PRKN: variants seen among roughly 807,000 people sequenced by gnomAD.
PRKN encodes the protein parkin RBR E3 ubiquitin protein ligase.
In PRKN, 56 loss-of-function variants were observed where a neutral mutation model predicts 59.5. The observed-to-expected ratio is 0.94, with a 90% CI of 0.76 to 1.18. PRKN has a LOEUF of 1.18. Ranked by LOEUF, PRKN falls within the 50% of genes most tolerant of loss-of-function variation. The probability of loss-of-function intolerance (pLI) is 0.00; values close to 1 mark genes in which losing one functional copy is unlikely to be tolerated. For synonymous variants in PRKN, 250 were observed against 222.1 expected (o/e 1.13, Z -1.12); for missense variants, 657 against 596.4 (o/e 1.10, Z -1.06).
chr6:162,676,843 T>A (rs1270083400), intron 1 of PRKN, among the ~76,000 whole-genome samples: 1 of 152,058 alleles, frequency 6.6e-6, no homozygotes, highest in East Asian at 1.9e-4. Flanking sequence ...AGGTAGATCA[T>A]TGAGGCCAGG....
chr6:162,557,524 G>GT (rs1554243851), intron 1 of PRKN, among the ~76,000 whole-genome samples: 1 of 139,240 alleles, frequency 7.2e-6, no homozygotes, highest in African/African-American at 2.6e-5. Context: ...CTGTTTGTTT[G>GT]TTTTTTTGAG....
At chr6:162,702,228 T>C (rs375675201) in intron 1 of PRKN, among the ~76,000 whole-genome samples, 3 of 152,162 alleles carry the variant, frequency 2.0e-5, no homozygotes, top group African/African-American at 7.2e-5. Flanking sequence ...TTGAAATCAA[T>C]GTTTTCAGAT....
rs71004055 is a variant in PRKN, at chr6:161,581,041, A to AACACACACACACACACAC, written c.872-11643_872-11626dup. Among the ~76,000 whole-genome samples, 71 of 137,624 alleles carry AACACACACACACACACAC rather than the reference A, an allele frequency of 5.2e-4. No homozygotes were observed. Among genetic ancestry groups the AACACACACACACACACAC allele is most frequent in the East Asian group, 1.6e-3 (7 of 4,418 alleles). The allele number at this position is 137,624 out of a possible 152,430, so 90.3% of individuals were successfully genotyped here. ...ACACAGTGAAATCCTGTCTCTACTAAACACACACACACACACACACACACA... is the reference window on the plus strand; with the variant it reads ...ACACAGTGAAATCCTGTCTCTACTAAACACACACACACACACACACACACACACACACACACACACACA... On this transcript the variant is annotated intron_variant, in intron 7 of 11. Transcript: ENST00000366898. The surrounding 1 kb of genome is among the most constrained non-coding windows in gnomAD (Gnocchi z 4.5).
intron 7 of PRKN, among the ~76,000 whole-genome samples, chr6:161,671,932 T>G (rs9347531): frequency 0.66 from 100,957 of 152,010 alleles, 34,232 homozygotes; most frequent in South Asian, 0.83. Context: ...AAAGTTCTGC[T>G]GCTCCACAGT....
At chr6:162,381,718 G>T (rs186439442) in intron 2 of PRKN, among the ~76,000 whole-genome samples, 1 of 152,004 alleles carries the variant, frequency 6.6e-6, no homozygotes, top group African/African-American at 2.4e-5. Context: ...TTACCATTAC[G>T]CACTTTTTTC....
intron 7 of PRKN, among the ~76,000 whole-genome samples, chr6:161,759,937 A>G (rs933898298): frequency 1.3e-5 from 2 of 152,080 alleles, no homozygotes; most frequent in Non-Finnish European, 1.5e-5. Context: ...GATACAACTG[A>G]AGGATGTTTA....
chr6:162,076,748 C>A (rs1191649804), intron 4 of PRKN, among the ~76,000 whole-genome samples: 1 of 152,074 alleles, frequency 6.6e-6, no homozygotes, highest in African/African-American at 2.4e-5. Flanking sequence ...CCTTTTAGAT[C>A]GATGTTTTTG....
chr6:162,636,262 A>C (rs1777707909), intron 1 of PRKN, among the ~76,000 whole-genome samples: 1 of 152,210 alleles, frequency 6.6e-6, no homozygotes, highest in Admixed American at 6.5e-5. Flanking sequence ...TAGAAAAAAA[A>C]AAAATCTTAG....
chr6:162,232,478 G>A (rs1229864459), intron 3 of PRKN, among the ~76,000 whole-genome samples: 2 of 152,182 alleles, frequency 1.3e-5, no homozygotes, highest in African/African-American at 4.8e-5. Context: ...CCAGTTGAAT[G>A]TCAGGGAAAA....
chr6:161,354,175 T>G lies in PRKN; in HGVS notation c.1286-3964A>C, dbSNP rs199868828. On this transcript the variant is annotated intron_variant, in intron 11 of 11. Transcript: ENST00000366898. This position sits in a 1 kb window ranked among gnomAD's most constrained non-coding sequence, Gnocchi z 6.7. ...TTAGCTTTCTTTTCTCCCTAGGGCT[T>G]AATATACACAAGGCCATAGAGCTAG... is the stretch of plus-strand genomic sequence containing the variant. Among the ~76,000 whole-genome samples the G allele has an allele frequency of 2.6e-5, 4 of 152,108 alleles. No homozygotes were observed. In the East Asian group the frequency reaches 7.7e-4, roughly 29 times the overall value.
chr6:162,213,194 G>A (rs1482242575), intron 3 of PRKN, among the ~76,000 whole-genome samples: 2 of 152,058 alleles, frequency 1.3e-5, no homozygotes, highest in African/African-American at 2.4e-5. Context: ...TGGTCCTAAA[G>A]AAACAGAAGA....
At chr6:162,517,099 T>G (rs1218752064) in intron 1 of PRKN, among the ~76,000 whole-genome samples, 2 of 151,806 alleles carry the variant, frequency 1.3e-5, no homozygotes, top group Non-Finnish European at 2.9e-5. Context: ...ACAGATATCT[T>G]CCTGGCTTAC....
chr6:162,496,619 C>A (rs1893109), intron 1 of PRKN, among the ~76,000 whole-genome samples: 46,209 of 151,892 alleles, frequency 0.3, 7,395 homozygotes, highest in East Asian at 0.47. Flanking sequence ...AAGGCTTATA[C>A]ACATGCGTGC....
At chr6:162,397,512 A>G (rs1281902375) in intron 2 of PRKN, among the ~76,000 whole-genome samples, 2 of 152,060 alleles carry the variant, frequency 1.3e-5, no homozygotes, top group African/African-American at 4.8e-5. Flanking sequence ...GAAATGCAGA[A>G]GCCGAAGACA....
At chr6:162,154,524 GAA>G (rs5881452) in intron 4 of PRKN, among the ~76,000 whole-genome samples, 3,178 of 142,992 alleles carry the variant, frequency 0.022, 69 homozygotes, top group African/African-American at 0.055. Flanking sequence ...TACAAAAGGA[GAA>G]AAAAAAAAAA....
intron 6 of PRKN, among the ~76,000 whole-genome samples, chr6:161,940,701 C>T (rs948955612): frequency 1.3e-5 from 2 of 152,114 alleles, no homozygotes; most frequent in Non-Finnish European, 2.9e-5. Flanking sequence ...ATTTCAGATC[C>T]TGAAAAAGAA....
intron 9 of PRKN, among the ~76,000 whole-genome samples, chr6:161,422,395 C>A (rs540904641): frequency 6.6e-6 from 1 of 152,018 alleles, no homozygotes; most frequent in East Asian, 1.9e-4. Flanking sequence ...GATGGGGTTT[C>A]ACCATGTTAG....
intron 5 of PRKN, among the ~76,000 whole-genome samples, chr6:162,046,198 C>T (rs1010376938): frequency 3.3e-5 from 5 of 152,218 alleles, no homozygotes; most frequent in East Asian, 3.9e-4. Context: ...AACACAGCCT[C>T]GGACTGACAC....
intron 3 of PRKN, among the ~76,000 whole-genome samples, chr6:162,210,902 T>C (rs1785173291): frequency 6.6e-6 from 1 of 152,210 alleles, no homozygotes. Context: ...GGATTCAATA[T>C]GTATTTCAAA....
Sources: allele counts gnomAD v4.1 joint callset (sites outside exome capture counted in the v4.1 genomes callset), GRCh38; gene constraint gnomAD v4.1.1; non-coding constraint Gnocchi (gnomAD v3.1); transcripts MANE v1.5; gene names NCBI Gene and HGNC (gene_info 2026-07-23, HGNC 2026-07-21).